CHRM2: variants seen among roughly 807,000 people sequenced by gnomAD.
The protein encoded by CHRM2 is cholinergic receptor muscarinic 2.
Under a neutral mutation model 25.0 loss-of-function variants are expected in CHRM2, and 8 were observed. The observed-to-expected ratio is 0.32, with a 90% CI of 0.19 to 0.58. The LOEUF (loss-of-function observed/expected upper bound fraction) is 0.58. CHRM2 is among the 20% of genes least tolerant of loss of function. CHRM2 has a pLI of 0.88. For synonymous variants in CHRM2, 202 were observed against 205.7 expected, an observed-to-expected ratio of 0.98 and a Z score of 0.15; for missense variants, 440 against 567.1, an observed-to-expected ratio of 0.78 and a Z score of 2.28.
intron 2 of CHRM2, among the ~76,000 whole-genome samples, chr7:136,946,168 A>G (rs1800060200): frequency 6.6e-6 from 1 of 152,170 alleles, no homozygotes; most frequent in African/African-American, 2.4e-5. Context: ...TATATAATGT[A>G]TGTAAAAATG....
intron 2 of CHRM2, among the ~76,000 whole-genome samples, chr7:136,917,017 A>G (rs111720771): frequency 1.3e-5 from 2 of 152,056 alleles, no homozygotes; most frequent in African/African-American, 4.8e-5. Context: ...TCTCCTGACC[A>G]TTGTATTAAT....
chr7:136,942,171 T>A (rs1799811172), intron 2 of CHRM2, among the ~76,000 whole-genome samples: 1 of 152,150 alleles, frequency 6.6e-6, no homozygotes, highest in African/African-American at 2.4e-5. Flanking sequence ...GATAAAGACA[T>A]GAAAAATGCA....
intron 2 of CHRM2, among the ~76,000 whole-genome samples, chr7:136,892,782 G>C (rs1214994765): frequency 1.3e-5 from 2 of 150,982 alleles, no homozygotes; most frequent in Non-Finnish European, 2.9e-5. Context: ...CGATTCTCCT[G>C]CCTCAGCCTC....
chr7:136,957,212 G>T (rs1174220492), intron 2 of CHRM2, among the ~76,000 whole-genome samples: 2 of 152,046 alleles, frequency 1.3e-5, no homozygotes, highest in Non-Finnish European at 2.9e-5. Flanking sequence ...ACATCTTTTG[G>T]GGGCAGCCCA....
rs758298920 is a variant in CHRM2, at chr7:137,015,432, T to G, written c.567T>G (p.Gly189=). 2 of 1,613,482 alleles carry G rather than the reference T, an allele frequency of 1.2e-6. No homozygotes were observed. The highest frequency in any genetic ancestry group is 3.3e-5 in the Admixed American group (2 of 59,924). The change falls in exon 4 of 4, where the codon GGT becomes GGG. Residue 189 remains glycine, a synonymous_variant. Coordinates refer to ENST00000680005, the MANE Select transcript of CHRM2 (RefSeq NM_001006630.2). This position sits in a 1 kb window ranked among gnomAD's most constrained non-coding sequence, Gnocchi z 5.1. The part of the protein sequence containing the change: ...QFFSNAAVTF[G]TAIAAFYLPV... ...TTTCCAATGCTGCTGTCACCTTTGG[T>G]ACGGCTATTGCAGCCTTCTATTTGC...
At chr7:136,973,336 G>A (rs1801901700) in intron 2 of CHRM2, among the ~76,000 whole-genome samples, 1 of 106,638 alleles carries the variant, frequency 9.4e-6, no homozygotes. Context: ...GATGGTGACG[G>A]TGTTAGGGAT....
intron 2 of CHRM2, among the ~76,000 whole-genome samples, chr7:136,889,945 G>A (rs1796625415): frequency 6.6e-6 from 1 of 152,130 alleles, no homozygotes; most frequent in Admixed American, 6.6e-5. Context: ...CTCCTCTGTT[G>A]ACTAGGATTT....
chr7:136,967,958 C>T (rs892098978), intron 2 of CHRM2, among the ~76,000 whole-genome samples: 1 of 151,764 alleles, frequency 6.6e-6, no homozygotes, highest in African/African-American at 2.4e-5. Flanking sequence ...ACACTTCATA[C>T]ACAAAACCAC....
intron 2 of CHRM2, among the ~76,000 whole-genome samples, chr7:136,962,778 A>G (rs1217282857): frequency 2.0e-5 from 3 of 152,174 alleles, no homozygotes; most frequent in Non-Finnish European, 4.4e-5. Flanking sequence ...CTAATATGCA[A>G]AGTACCCTCT....
chr7:136,904,360 T>C (rs1797415090), intron 2 of CHRM2, among the ~76,000 whole-genome samples: 1 of 151,934 alleles, frequency 6.6e-6, no homozygotes, highest in Non-Finnish European at 1.5e-5. Context: ...TTTCTATATC[T>C]CTACTCATTA....
intron 2 of CHRM2, among the ~76,000 whole-genome samples, chr7:136,910,379 CAA>C (rs1797777045): frequency 6.6e-6 from 1 of 151,708 alleles, no homozygotes; most frequent in Non-Finnish European, 1.5e-5. Flanking sequence ...GAATTGAAGC[CAA>C]GTCATTATTG....
chr7:136,974,483 G>A (rs945099442), intron 2 of CHRM2, among the ~76,000 whole-genome samples: 3 of 152,132 alleles, frequency 2.0e-5, no homozygotes, highest in African/African-American at 2.4e-5. Context: ...CTTGGGAAGA[G>A]GGCATTTTAG....
rs760821552 is a variant in CHRM2, at chr7:137,015,545, A to G, written c.680A>G (p.Asn227Ser). The G allele has an allele frequency of 7.4e-6, 12 of 1,613,032 alleles. No homozygotes were observed. The highest frequency in any genetic ancestry group is 3.3e-4 in the Middle Eastern group (2 of 6,058). ...IKKDKKEPVANQDPVSPSLVQ... is the reference protein window; with the variant it reads ...IKKDKKEPVASQDPVSPSLVQ... ...AAGGACAAGAAGGAGCCTGTTGCCA[A>G]CCAAGACCCCGTTTCTCCAAGTCTG... Residue 227 changes from asparagine to serine, a missense_variant, in exon 4 of 4, where the codon AAC (asparagine) becomes AGC (serine). Around this residue, in one of 5 missense-constraint regions of CHRM2, gnomAD observed 261 missense variants for 261.8 expected, o/e 1.00. Coordinates refer to ENST00000680005, the MANE Select transcript of CHRM2 (RefSeq NM_001006630.2). The surrounding 1 kb of genome is among the most constrained non-coding windows in gnomAD (Gnocchi z 5.1).
chr7:136,956,224 G>C (rs1326275172), intron 2 of CHRM2, among the ~76,000 whole-genome samples: 1 of 152,170 alleles, frequency 6.6e-6, no homozygotes, highest in African/African-American at 2.4e-5. Flanking sequence ...CTTTGGAATG[G>C]CATGGAATAT....
chr7:136,938,618 G>C (rs1010201649), intron 2 of CHRM2: 6 of 868,734 alleles, frequency 6.9e-6, no homozygotes, highest in Non-Finnish European at 1.2e-5. Flanking sequence ...GTCCACTCGG[G>C]AGAAGCTCGA....
At chr7:136,948,986 G>T (rs538553814) in intron 2 of CHRM2, among the ~76,000 whole-genome samples, 3 of 152,100 alleles carry the variant, frequency 2.0e-5, no homozygotes, top group South Asian at 2.1e-4. Flanking sequence ...AATGAAGGGG[G>T]CGTGATAGAA....
Position 137,017,709 on chromosome 7 carries a change from A to G in CHRM2, c.*1443A>G, listed in dbSNP as rs1328766407. On this transcript the variant is annotated 3_prime_UTR_variant, in exon 4 of 4. Transcript: ENST00000680005. ...TGACAGAAATGTAGTGGCTAACTAAATAGAGGCCAAACGAGCTTACAGAAT... is the reference window on the plus strand; with the variant it reads ...TGACAGAAATGTAGTGGCTAACTAAGTAGAGGCCAAACGAGCTTACAGAAT... 1 of 151,970 alleles carries G rather than the reference A, an allele frequency of 6.6e-6. No individual in the cohort carries two copies. The highest frequency in any genetic ancestry group is 1.5e-5 in the Non-Finnish European group (1 of 67,914). The allele number at this position is 151,970 out of a possible 1,614,324, so 9.4% of individuals were successfully genotyped here. A position where few individuals can be genotyped will look rare whatever the true frequency, so the allele number is the denominator to read the frequency against.
At chr7:136,933,476 T>C (rs1430820432) in intron 2 of CHRM2, among the ~76,000 whole-genome samples, 1 of 152,186 alleles carries the variant, frequency 6.6e-6, no homozygotes, top group Non-Finnish European at 1.5e-5. Flanking sequence ...ATTTACGTTG[T>C]TGATAAGAAT....
At position 136,868,833 on chromosome 7, in the gene CHRM2, A is replaced by T. The variant is rs546189642; in HGVS notation, c.-442A>T. The T allele has an allele frequency of 2.0e-4, 31 of 152,288 alleles. No individual in the cohort carries two copies. Among genetic ancestry groups the T allele is most frequent in the African/African-American group, 6.8e-4 (28 of 41,468 alleles). 9.4% of individuals were successfully genotyped at this position (152,288 alleles called of 1,614,324 possible). A position where few individuals can be genotyped will look rare whatever the true frequency, so the allele number is the denominator to read the frequency against. On this transcript the variant is annotated 5_prime_UTR_variant, in exon 1 of 4. Coordinates refer to ENST00000680005, the MANE Select transcript of CHRM2 (RefSeq NM_001006630.2). ...GTTGGCCAGAGCCTGGAAATCGCAG[A>T]TTTCACCAGGAAATCGCCGAGGTAC...
Sources: allele counts gnomAD v4.1 joint callset (sites outside exome capture counted in the v4.1 genomes callset), GRCh38; gene constraint gnomAD v4.1.1; regional missense constraint gnomAD v4.1.1; non-coding constraint Gnocchi (gnomAD v3.1); transcripts MANE v1.5; gene names NCBI Gene and HGNC (gene_info 2026-07-23, HGNC 2026-07-21).